The following RPH3A variants were observed in gnomAD, a reference collection of about 807,000 sequenced individuals.
RPH3A encodes the protein rabphilin 3A, also known as rabphilin-3A.
Under a neutral mutation model 102.2 loss-of-function variants are expected in RPH3A, and 48 were observed. The observed-to-expected ratio is 0.47, with a 90% confidence interval of 0.37 to 0.60. RPH3A has a LOEUF of 0.60. Among genes scored for constraint, RPH3A ranks in the 20% least tolerant of loss-of-function variants. The probability of loss-of-function intolerance (pLI) is 0.00; values close to 1 mark genes in which losing one functional copy is unlikely to be tolerated. For synonymous variants in RPH3A, 310 were observed against 324.3 expected (o/e 0.96, Z 0.47); for missense variants, 781 against 910.1 (o/e 0.86, Z 1.83).
intron 1 of RPH3A, among the ~76,000 whole-genome samples, chr12:112,767,817 C>T (rs995089629): frequency 3.3e-5 from 5 of 152,112 alleles, no homozygotes; most frequent in East Asian, 3.9e-4. Context: ...TGCTACATCA[C>T]GATGAACCTT....
intron 2 of RPH3A, among the ~76,000 whole-genome samples, chr12:112,809,982 C>G (rs1357322446): frequency 6.6e-6 from 1 of 152,174 alleles, no homozygotes; most frequent in Non-Finnish European, 1.5e-5. Flanking sequence ...AAGAGCTTGG[C>G]ATTCAGTTTT....
intron 17 of RPH3A, among the ~76,000 whole-genome samples, chr12:112,889,192 G>C (rs1400060949): frequency 1.3e-5 from 2 of 152,244 alleles, no homozygotes; most frequent in African/African-American, 4.8e-5. Context: ...AATCCTTAAA[G>C]ACATCCCTAG....
chr12:112,812,669 TTCTC>T (rs35202488), intron 2 of RPH3A, among the ~76,000 whole-genome samples: 23 of 149,986 alleles, frequency 1.5e-4, no homozygotes, highest in African/African-American at 5.4e-4. Flanking sequence ...TTCTATCCCC[TTCTC>T]TCTCTCTCTC....
At chr12:112,642,008 A>C (rs1235598383) in intron 1 of RPH3A, among the ~76,000 whole-genome samples, 2 of 152,168 alleles carry the variant, frequency 1.3e-5, no homozygotes, top group African/African-American at 4.8e-5. Context: ...TAGTTAAGTG[A>C]TGGAGCTGGG....
chr12:112,863,998 A>T (rs1277566103), intron 5 of RPH3A, among the ~76,000 whole-genome samples: 1 of 152,258 alleles, frequency 6.6e-6, no homozygotes, highest in Admixed American at 6.5e-5. Context: ...CTCATAGCCC[A>T]GCAACAAACC....
At chr12:112,798,622 G>T (rs2041280250) in intron 2 of RPH3A, among the ~76,000 whole-genome samples, 1 of 152,108 alleles carries the variant, frequency 6.6e-6, no homozygotes, top group South Asian at 2.1e-4. Flanking sequence ...CATCTGTGTG[G>T]TCCGCTCCAT....
intron 1 of RPH3A, among the ~76,000 whole-genome samples, chr12:112,680,056 C>T (rs113499117): frequency 0.028 from 4,215 of 152,062 alleles, 162 homozygotes; most frequent in African/African-American, 0.087. Flanking sequence ...AGGGGCACAG[C>T]ATGTGCAAAG....
chr12:112,662,654 T>A (rs901590391), intron 1 of RPH3A, among the ~76,000 whole-genome samples: 1 of 152,046 alleles, frequency 6.6e-6, no homozygotes, highest in Non-Finnish European at 1.5e-5. Context: ...GGTTTCTCTC[T>A]CAACTGCTGA....
At chr12:112,658,630 G>T (rs1407393994) in intron 1 of RPH3A, among the ~76,000 whole-genome samples, 1 of 152,240 alleles carries the variant, frequency 6.6e-6, no homozygotes, top group African/African-American at 2.4e-5. Context: ...CAGCTGTGCA[G>T]GTGATAAGAG....
chr12:112,872,940 A>G (rs1034013789), intron 10 of RPH3A, among the ~76,000 whole-genome samples: 1 of 152,214 alleles, frequency 6.6e-6, no homozygotes, highest in South Asian at 2.1e-4. Flanking sequence ...GCCCTAATGC[A>G]GGACTTATCA....
chr12:112,769,498 T>C (rs1211885185), intron 1 of RPH3A, among the ~76,000 whole-genome samples: 3 of 152,262 alleles, frequency 2.0e-5, no homozygotes, highest in Admixed American at 1.3e-4. Flanking sequence ...GTTAATTGTC[T>C]TAGCTAACCT....
At chr12:112,888,675 CATT>C (rs1438113153) in intron 17 of RPH3A, among the ~76,000 whole-genome samples, 1 of 152,286 alleles carries the variant, frequency 6.6e-6, no homozygotes, top group East Asian at 1.9e-4. Context: ...TTAGAACTGT[CATT>C]GTTGTTGTCA....
intron 1 of RPH3A, among the ~76,000 whole-genome samples, chr12:112,669,133 T>G (rs2040109992): frequency 2.0e-5 from 3 of 152,128 alleles, no homozygotes. Flanking sequence ...TCATTGGGAA[T>G]GAAGTCCAGC....
intron 1 of RPH3A, among the ~76,000 whole-genome samples, chr12:112,640,184 G>A (rs963215650): frequency 1.3e-5 from 2 of 151,364 alleles, no homozygotes; most frequent in South Asian, 4.2e-4. Context: ...AATCAGCCGG[G>A]CGTGGTGGCA....
chr12:112,744,196 C>T (rs1329169245), intron 1 of RPH3A, among the ~76,000 whole-genome samples: 1 of 152,184 alleles, frequency 6.6e-6, no homozygotes, highest in Non-Finnish European at 1.5e-5. Context: ...ATGCCCCAGC[C>T]TCCCGAGTAG....
At chr12:112,880,066 A>G (rs2042880633) in intron 14 of RPH3A, among the ~76,000 whole-genome samples, 1 of 152,212 alleles carries the variant, frequency 6.6e-6, no homozygotes, top group Non-Finnish European at 1.5e-5. Context: ...CACTCTTAAA[A>G]TGTCTCAATT....
chr12:112,870,461 T>A (rs116848234), intron 10 of RPH3A, among the ~76,000 whole-genome samples: 2,427 of 152,182 alleles, frequency 0.016, 44 homozygotes, highest in East Asian at 0.055. Context: ...GGCCAGGATG[T>A]CACTGACATG....
At chr12:112,588,328 G>T (rs1287200633) in intron 1 of RPH3A, among the ~76,000 whole-genome samples, 1 of 152,190 alleles carries the variant, frequency 6.6e-6, no homozygotes, top group Non-Finnish European at 1.5e-5. Flanking sequence ...GTTCCATATG[G>T]CTGGAGAGGC....
intron 2 of RPH3A, among the ~76,000 whole-genome samples, chr12:112,804,781 T>C (rs2136109665): frequency 6.6e-6 from 1 of 152,336 alleles, no homozygotes; most frequent in South Asian, 2.1e-4. Context: ...ATCAAATGGG[T>C]TCCTACCTCT....
Sources: allele counts gnomAD v4.1 joint callset (sites outside exome capture counted in the v4.1 genomes callset), GRCh38; gene constraint gnomAD v4.1.1; transcripts MANE v1.5; gene names NCBI Gene and HGNC (gene_info 2026-07-23, HGNC 2026-07-21).